The following UMODL1 variants were observed in gnomAD, a reference collection of about 807,000 sequenced individuals.
UMODL1 encodes the protein uromodulin like 1.
A neutral mutation model predicts 136.3 loss-of-function variants in UMODL1; 128 were observed. The ratio of observed to expected loss-of-function variants is 0.94; its 90% CI spans 0.81 to 1.09. The LOEUF (loss-of-function observed/expected upper bound fraction) is 1.09, where lower values mean the gene tolerates loss of function less well. Ranked by LOEUF, UMODL1 falls within the 50% of genes least tolerant of loss-of-function variation. UMODL1 has a pLI of 0.00. For missense variants in UMODL1, 1,766 were observed against 1,725.6 expected, an observed-to-expected ratio of 1.02 and a Z score of -0.41; for synonymous variants, 721 against 720.0, an observed-to-expected ratio of 1.00 and a Z score of -0.02.
intron 1 of UMODL1, among the ~76,000 whole-genome samples, chr21:42,075,194 G>A (rs532679220): frequency 4.0e-5 from 6 of 151,878 alleles, no homozygotes; most frequent in East Asian, 1.9e-4. Flanking sequence ...GAGCCACCGC[G>A]CCCAGCCCAC....
chr21:42,096,919 A>G (rs1219036968), intron 6 of UMODL1, among the ~76,000 whole-genome samples: 1 of 152,210 alleles, frequency 6.6e-6, no homozygotes, highest in African/African-American at 2.4e-5. Flanking sequence ...TCAGTGAGAC[A>G]TATGTTCCCA....
At chr21:42,116,014 C>A in intron 14 of UMODL1, 29 bp downstream of exon 14, 1 of 1,569,386 alleles carries the variant, frequency 6.4e-7, no homozygotes, top group South Asian at 1.1e-5. Flanking sequence ...CCCTTAATTC[C>A]TTTCAGGAGG....
chr21:42,128,605 A>G (rs2067093562), intron 20 of UMODL1, among the ~76,000 whole-genome samples: 1 of 152,234 alleles, frequency 6.6e-6, no homozygotes. Context: ...CTCAAACACT[A>G]GATCTTCCTG....
chr21:42,109,859 A>G (rs1033503602), intron 10 of UMODL1, among the ~76,000 whole-genome samples, 160 bp downstream of exon 10: 1 of 152,260 alleles, frequency 6.6e-6, no homozygotes, highest in South Asian at 2.1e-4. Flanking sequence ...AAATCAGAAG[A>G]AAGAAATTAA....
Position 42,123,036 on chromosome 21 carries a change from C to T in UMODL1, c.3033C>T (p.Ser1011=), listed in dbSNP as rs1246227068. The change falls in exon 17 of 23, where the codon TCC becomes TCT. Residue 1011 remains serine (S), a synonymous_variant. Coordinates refer to ENST00000408910, the MANE Select transcript of UMODL1 (RefSeq NM_001004416.3). The surrounding 1 kb of genome is among the most constrained non-coding windows in gnomAD (Gnocchi z 4.4). The part of the protein sequence containing the change: ...AIQKRFLQQE[S]IPESSLYLSH... ...AGAAGCGCTTCCTGCAGCAGGAATCCATCCCCGAGTCCTCGTTGTACCTCA... is the reference window on the plus strand; with the variant it reads ...AGAAGCGCTTCCTGCAGCAGGAATCTATCCCCGAGTCCTCGTTGTACCTCA... The T allele has an allele frequency of 6.2e-7, 1 of 1,614,036 alleles. No homozygotes were observed. The highest frequency in any genetic ancestry group is 8.5e-7 in the Non-Finnish European group (1 of 1,180,042).
At chr21:42,081,365 C>G (rs1425526579) in intron 2 of UMODL1, among the ~76,000 whole-genome samples, 2 of 152,218 alleles carry the variant, frequency 1.3e-5, no homozygotes, top group Non-Finnish European at 2.9e-5. Flanking sequence ...CCTCACTGGA[C>G]CATGACTAGC....
At chr21:42,141,042 G>A (rs549578121) in intron 22 of UMODL1, among the ~76,000 whole-genome samples, 32 of 152,208 alleles carry the variant, frequency 2.1e-4, no homozygotes, top group Admixed American at 7.2e-4. Context: ...AGCCAAGCCC[G>A]TCTTCCCTGT....
chr21:42,139,325 G>C (rs116240846), intron 22 of UMODL1, among the ~76,000 whole-genome samples: 1 of 152,150 alleles, frequency 6.6e-6, no homozygotes, highest in Non-Finnish European at 1.5e-5. Context: ...AAGCAGGCAC[G>C]TCTTCCATGG....
At position 42,111,109 on chromosome 21, in the gene UMODL1, C is replaced by G. The variant is rs764838346; in HGVS notation, c.1887C>G (p.Gly629=). 3.1e-6 allele frequency: 5 copies of G among 1,610,658 alleles called. No homozygotes were observed. The highest frequency in any genetic ancestry group is 4.2e-6 in the Non-Finnish European group (5 of 1,178,694). ...ATGACAGGAACAACACAGGAAAAGG[C>G]GTGGAGCAGGAGGTGCCCAGCACTG... ...VGYDRNNTGK[G]VEQELQGNSI... The change falls in exon 11 of 23, where the codon GGC becomes GGG. Residue 629 remains glycine (G), a synonymous_variant. Coordinates refer to ENST00000408910, the MANE Select transcript of UMODL1 (RefSeq NM_001004416.3).
At chr21:42,092,020 C>T (rs917951144) in intron 6 of UMODL1, among the ~76,000 whole-genome samples, 1 of 152,210 alleles carries the variant, frequency 6.6e-6, no homozygotes, top group South Asian at 2.1e-4. Flanking sequence ...GCAGGGAAGG[C>T]TCAGCAAGCC....
Position 42,123,546 on chromosome 21 carries a change from GGTGTGCATGT to G in UMODL1, c.3147+402_3147+411del, listed in dbSNP as rs1190372248. On this transcript the variant is annotated intron_variant, in intron 17 of 22. Coordinates refer to ENST00000408910, the MANE Select transcript of UMODL1 (RefSeq NM_001004416.3). The surrounding 1 kb of genome is among the most constrained non-coding windows in gnomAD (Gnocchi z 4.4). ...GTCTGAATATGTCTGTGTATGTGGG[GGTGTGCATGT>G]GTGTGAATGTGTGTAAATGTGTGAA... is the stretch of plus-strand genomic sequence containing the variant. 7.2e-5 allele frequency among the ~76,000 whole-genome samples: 11 copies of G among 151,936 alleles called. No homozygotes were observed. Among genetic ancestry groups the G allele is most frequent in the African/African-American group, 2.4e-4 (10 of 41,350 alleles).
intron 21 of UMODL1, among the ~76,000 whole-genome samples, chr21:42,136,277 A>G (rs2067204072): frequency 6.6e-6 from 1 of 152,216 alleles, no homozygotes; most frequent in Non-Finnish European, 1.5e-5. Context: ...TGTTTAGTAC[A>G]TTGAGAGTGT....
At chr21:42,130,833 G>A (rs1477557110) in intron 21 of UMODL1, among the ~76,000 whole-genome samples, 4 of 148,544 alleles carry the variant, frequency 2.7e-5, no homozygotes, top group African/African-American at 5.0e-5. Flanking sequence ...TTTTTGAGAC[G>A]GAGTTTTTCT....
intron 20 of UMODL1, among the ~76,000 whole-genome samples, 180 bp from the exon 21 acceptor site, chr21:42,129,533 G>C (rs2067105473): frequency 6.6e-6 from 1 of 152,106 alleles, no homozygotes; most frequent in Non-Finnish European, 1.5e-5. Context: ...GTTGCACCAG[G>C]ACCCACCACC....
chr21:42,095,886 T>A (rs1464961140), intron 6 of UMODL1, among the ~76,000 whole-genome samples: 1 of 152,188 alleles, frequency 6.6e-6, no homozygotes, highest in African/African-American at 2.4e-5. Flanking sequence ...CAGGAAACAT[T>A]ACCTGTAACC....
intron 21 of UMODL1, among the ~76,000 whole-genome samples, chr21:42,134,835 A>G (rs987989765): frequency 2.6e-5 from 4 of 151,362 alleles, no homozygotes; most frequent in African/African-American, 9.7e-5. Context: ...CATGTTGGCC[A>G]GGATGGTCTT....
intron 21 of UMODL1, among the ~76,000 whole-genome samples, chr21:42,135,694 CG>C (rs2067196759): frequency 1.3e-5 from 2 of 152,116 alleles, no homozygotes; most frequent in African/African-American, 4.8e-5. Flanking sequence ...AGTGGCCGGC[CG>C]GGATCTGGGG....
chr21:42,102,075 A>G, intron 7 of UMODL1, 91 bp from the exon 8 acceptor site: 1 of 941,144 alleles, frequency 1.1e-6, no homozygotes, highest in Non-Finnish European at 1.6e-6. Flanking sequence ...AAAAAAAATT[A>G]TCCCGCCAAA....
chr21:42,116,073 CCCTG>C, intron 14 of UMODL1, 88 bp downstream of exon 14: 1 of 1,086,610 alleles, frequency 9.2e-7, no homozygotes, highest in Non-Finnish European at 1.4e-6. Context: ...GGTGGCTCAC[CCCTG>C]TAATCCTAGC....
Sources: gnomAD v4.1 joint callset for allele counts (sites outside exome capture counted in the v4.1 genomes callset) on GRCh38, gnomAD v4.1.1 for gene constraint, Gnocchi (gnomAD v3.1) non-coding constraint, MANE v1.5 for transcripts, NCBI Gene and HGNC (gene_info 2026-07-23, HGNC 2026-07-21) for gene names.